FBXL5: variants seen among roughly 807,000 people sequenced by gnomAD.
The protein encoded by FBXL5 is F-box/LRR-repeat protein 5.
FBXL5 carries 26 observed loss-of-function variants against 78.3 expected under a neutral mutation model. The ratio of observed to expected loss-of-function variants is 0.33; its 90% CI spans 0.24 to 0.46. FBXL5 has a LOEUF of 0.46. Among genes scored for constraint, FBXL5 ranks in the 20% least tolerant of loss-of-function variants. The pLI is 1.00. For synonymous variants in FBXL5, 295 were observed against 282.5 expected, an observed-to-expected ratio of 1.04 and a Z score of -0.45; for missense variants, 710 against 829.2, an observed-to-expected ratio of 0.86 and a Z score of 1.77.
intron 9 of FBXL5, among the ~76,000 whole-genome samples, chr4:15,614,541 T>G (rs1306729376): frequency 6.6e-6 from 1 of 151,982 alleles, no homozygotes; most frequent in Non-Finnish European, 1.5e-5. Flanking sequence ...CCCAAGAGAT[T>G]ATGTCCTTGG....
intron 1 of FBXL5, among the ~76,000 whole-genome samples, chr4:15,645,530 C>T (rs1715266616): frequency 6.6e-6 from 1 of 152,054 alleles, no homozygotes; most frequent in African/African-American, 2.4e-5. Context: ...TGGGTTCAAG[C>T]GATTATCCTG....
At chr4:15,615,719 G>A (rs1711775450) in intron 9 of FBXL5, among the ~76,000 whole-genome samples, 1 of 151,334 alleles carries the variant, frequency 6.6e-6, no homozygotes, top group Non-Finnish European at 1.5e-5. Flanking sequence ...AACCTGATGG[G>A]GACGTGGAGA....
In FBXL5 at chr4:15,640,877, A is replaced by G; in HGVS notation, c.307T>C (p.Tyr103His). 6.8e-7 allele frequency: 1 copy of G among 1,477,014 alleles called. No homozygotes were observed. The highest frequency in any genetic ancestry group is 9.0e-7 in the Non-Finnish European group (1 of 1,105,222). The allele number at this position is 1,477,014 out of a possible 1,614,324, so 91.5% of individuals were successfully genotyped here. A position where few individuals can be genotyped will look rare whatever the true frequency, so the allele number is the denominator to read the frequency against. Reference protein sequence around the residue: ...EKGLKNVKNEYEQLNYAKQLK... With the variant: ...EKGLKNVKNEHEQLNYAKQLK... ...TGTTTTGCATAATTTAACTGTTCAT[A>G]TTCATTCTGGAAACCAAAAAAAAAA... is the stretch of plus-strand genomic sequence containing the variant. Residue 103 changes from tyrosine (Y) to histidine (H), a missense_variant, in exon 3 of 11, where the codon TAT (tyrosine) becomes CAT (histidine). Tyr to His is a moderately conservative substitution (Grantham distance 83, BLOSUM62 2). Around this residue, in one of 4 missense-constraint regions of FBXL5, gnomAD observed 132 missense variants for 156.9 expected, o/e 0.84. Coordinates refer to ENST00000341285, the MANE Select transcript of FBXL5 (RefSeq NM_012161.4).
At position 15,655,231 on chromosome 4, in the gene FBXL5, C is replaced by T; in HGVS notation, c.57G>A (p.Lys19=). ...TGTCGCAGTAGAGCCCCACCAGCTG[C>T]TTCATCCGCCAGTGTGGGGCGGTGA... The part of the protein sequence containing the change: ...DVFTAPHWRM[K]QLVGLYCDKL... Residue 19 remains lysine (K), a synonymous_variant, in exon 1 of 11, where the codon AAG becomes AAA. Transcript: ENST00000341285. 6.9e-7 allele frequency: 1 copy of T among 1,439,614 alleles called. No individual in the cohort carries two copies. Among genetic ancestry groups the T allele is most frequent in the African/African-American group, 1.5e-5 (1 of 68,784 alleles). The allele number at this position is 1,439,614 out of a possible 1,614,324, so 89.2% of individuals were successfully genotyped here.
intron 2 of FBXL5, chr4:15,641,456 TAATA>T (rs1467791804): frequency 3.5e-5 from 12 of 343,590 alleles, no homozygotes; most frequent in East Asian, 8.1e-5. Context: ...CACTTCCACT[TAATA>T]AATAGTGAAT....
Position 15,622,705 on chromosome 4 carries a change from G to A in FBXL5, c.1850+2547C>T, listed in dbSNP as rs186070830. ...CAATTAGAACAGTGCAAGAAATGTA[G>A]TAGGTGCTCAATGAAAATTTAAATG... On this transcript the variant is annotated intron_variant, in intron 9 of 10. Transcript: ENST00000341285. 1.4e-3 allele frequency among the ~76,000 whole-genome samples: 208 copies of A among 152,318 alleles called. No homozygotes were observed. In the South Asian group the frequency reaches 0.014, roughly 10 times the overall value.
chr4:15,608,365 T>G (rs1029571868), intron 10 of FBXL5, among the ~76,000 whole-genome samples: 9 of 151,956 alleles, frequency 5.9e-5, no homozygotes, highest in Non-Finnish European at 7.4e-5. Flanking sequence ...AGATGTAGGG[T>G]CCACATGCTC....
upstream of FBXL5, among the ~76,000 whole-genome samples, chr4:15,659,208 C>T (rs1004937828): frequency 1.3e-5 from 2 of 152,124 alleles, no homozygotes; most frequent in African/African-American, 4.8e-5. Context: ...TCTACATTCC[C>T]TGAACAAGTA....
intron 9 of FBXL5, among the ~76,000 whole-genome samples, chr4:15,623,941 G>C (rs1395225006): frequency 6.6e-6 from 1 of 151,656 alleles, no homozygotes; most frequent in Non-Finnish European, 1.5e-5. Context: ...TCCTGCCTCA[G>C]CCTCCAGAGT....
chr4:15,643,658 C>T (rs946909273), intron 2 of FBXL5, among the ~76,000 whole-genome samples: 3 of 152,174 alleles, frequency 2.0e-5, no homozygotes, highest in African/African-American at 4.8e-5. Context: ...CCACTAGCCT[C>T]GGCCTCCCAG....
chr4:15,663,021 A>G (rs1395248713), upstream of FBXL5, among the ~76,000 whole-genome samples: 2 of 152,218 alleles, frequency 1.3e-5, no homozygotes, highest in Non-Finnish European at 2.9e-5. Flanking sequence ...AATATTTACC[A>G]AATGTAACTT....
In FBXL5 at chr4:15,677,742, C is replaced by A. The variant is rs574803932; in HGVS notation, c.-284+3641G>T. Among the ~76,000 whole-genome samples, 13 of 152,258 alleles carry A rather than the reference C, an allele frequency of 8.5e-5. No individual in the cohort carries two copies. In the South Asian group the frequency reaches 2.7e-3, roughly 32 times the overall value. On this transcript the variant is annotated intron_variant, in intron 1 of 4. Coordinates refer to the FBXL5 transcript ENST00000507899. ...CTGTTCCCAAGTTGTATCCTTTACA[C>A]AAAAATTGTAGTAGTAAATATAGTG...
chr4:15,668,108 A>AATG (rs1717622628), intron 1 of FBXL5, among the ~76,000 whole-genome samples: 2 of 151,966 alleles, frequency 1.3e-5, no homozygotes, highest in Non-Finnish European at 2.9e-5. Context: ...TGATTGTAAC[A>AATG]ATTAAAATTT....
intron 5 of FBXL5, among the ~76,000 whole-genome samples, chr4:15,632,658 T>G (rs373694819): frequency 6.6e-6 from 1 of 152,242 alleles, no homozygotes; most frequent in East Asian, 1.9e-4. Flanking sequence ...CCTAGGTATT[T>G]TATTCTCTTT....
chr4:15,641,444 T>C lies in FBXL5; in HGVS notation c.301-561A>G, dbSNP rs1012224215. The C allele has an allele frequency of 1.4e-5, 5 of 357,172 alleles. No individual in the cohort carries two copies. The East Asian group carries it at 3.0e-4, about 21-fold the overall frequency. The allele number at this position is 357,172 out of a possible 1,614,324, so 22.1% of individuals were successfully genotyped here. Reference sequence around the variant, plus strand: ...ATGAGGATAAAGACATTTATGATGATCCACTTCCACTTAATAAATAGTGAA... The same window carrying C: ...ATGAGGATAAAGACATTTATGATGACCCACTTCCACTTAATAAATAGTGAA... On this transcript the variant is annotated intron_variant, in intron 2 of 10. Transcript: ENST00000341285.
intron 1 of FBXL5, among the ~76,000 whole-genome samples, chr4:15,672,869 A>G (rs1677847984): frequency 6.6e-6 from 1 of 152,200 alleles, no homozygotes; most frequent in Admixed American, 6.5e-5. Context: ...GTACAGCTGT[A>G]CAAAAATATT....
rs572347826 is a variant in FBXL5 at position 15,673,288 on chromosome 4, A to G, written c.-284+8095T>C. On this transcript the variant is annotated intron_variant, in intron 1 of 4. Transcript: ENST00000507899. ...AATCCTGTCTCTACAAAAAATACAA[A>G]AAATTAGCCGGGTGTGTTGACCCGT... is the stretch of plus-strand genomic sequence containing the variant. Among the ~76,000 whole-genome samples, 47 of 152,010 alleles carry G rather than the reference A, an allele frequency of 3.1e-4. 1 individual carries two copies. Among genetic ancestry groups the G allele is most frequent in the Non-Finnish European group, 2.9e-4 (20 of 67,982 alleles).
chr4:15,664,175 A>G (rs1215729839), upstream of FBXL5, among the ~76,000 whole-genome samples: 1 of 152,158 alleles, frequency 6.6e-6, no homozygotes. Context: ...TCATTTTTCC[A>G]TCACTCAGTA....
chr4:15,675,551 C>A (rs992627876), intron 1 of FBXL5, among the ~76,000 whole-genome samples: 10 of 148,886 alleles, frequency 6.7e-5, no homozygotes, highest in African/African-American at 2.2e-4. Context: ...TATGTCTTAA[C>A]TTCTCGGTCA....
Sources: allele counts gnomAD v4.1 joint callset (sites outside exome capture counted in the v4.1 genomes callset), GRCh38; gene constraint gnomAD v4.1.1; regional missense constraint gnomAD v4.1.1; transcripts MANE v1.5; gene names NCBI Gene and HGNC (gene_info 2026-07-23, HGNC 2026-07-21).